Variants in TMEM132B observed in about 807,000 individuals in gnomAD.
TMEM132B encodes the protein transmembrane protein 132B.
TMEM132B carries 18 observed loss-of-function variants against 90.8 expected under a neutral mutation model. The ratio of observed to expected loss-of-function variants is 0.20; its 90% CI spans 0.14 to 0.29. TMEM132B has a LOEUF of 0.29. Ranked by LOEUF, TMEM132B falls within the 10% of genes least tolerant of loss-of-function variation. TMEM132B has a pLI of 1.00. For synonymous variants in TMEM132B, 504 were observed against 523.3 expected (o/e 0.96, Z 0.50); for missense variants, 1,096 against 1,326.8 (o/e 0.83, Z 2.70).
At chr12:125,626,707 G>A (rs923489042) in intron 5 of TMEM132B, among the ~76,000 whole-genome samples, 2 of 151,954 alleles carry the variant, frequency 1.3e-5, no homozygotes, top group South Asian at 4.2e-4. Context: ...TTATTTCTCT[G>A]GCTCCCTACA....
intron 2 of TMEM132B, among the ~76,000 whole-genome samples, chr12:125,380,606 G>C (rs1292948427): frequency 2.0e-5 from 3 of 152,184 alleles, no homozygotes; most frequent in Non-Finnish European, 2.9e-5. Flanking sequence ...GGCATATGTT[G>C]GTGCTCGGTT....
At chr12:125,580,374 G>A (rs1048431395) in intron 4 of TMEM132B, among the ~76,000 whole-genome samples, 2 of 151,838 alleles carry the variant, frequency 1.3e-5, no homozygotes, top group Admixed American at 1.3e-4. Context: ...TTCCATACTG[G>A]GTGAACTGAG....
At chr12:125,606,068 C>T (rs115950870) in intron 5 of TMEM132B, among the ~76,000 whole-genome samples, 254 of 152,044 alleles carry the variant, frequency 1.7e-3, no homozygotes, top group African/African-American at 5.6e-3. Flanking sequence ...TATTGTATGT[C>T]GTATATTTTG....
intron 5 of TMEM132B, among the ~76,000 whole-genome samples, chr12:125,636,829 C>T (rs1271900785): frequency 6.6e-6 from 1 of 152,206 alleles, no homozygotes; most frequent in African/African-American, 2.4e-5. Flanking sequence ...CACATCTTCT[C>T]TCTAAGTGTC....
At chr12:125,478,107 G>C (rs1881935510) in intron 3 of TMEM132B, among the ~76,000 whole-genome samples, 1 of 152,172 alleles carries the variant, frequency 6.6e-6, no homozygotes, top group South Asian at 2.1e-4. Flanking sequence ...AACCCCATCT[G>C]TAGGTCACCA....
At chr12:125,464,394 T>A (rs778026414) in intron 3 of TMEM132B, among the ~76,000 whole-genome samples, 2 of 152,102 alleles carry the variant, frequency 1.3e-5, no homozygotes, top group Admixed American at 6.5e-5. Context: ...TTCCTCTGGG[T>A]GTGCCTATAT....
intron 5 of TMEM132B, among the ~76,000 whole-genome samples, chr12:125,601,387 A>G (rs1359525170): frequency 2.0e-5 from 3 of 152,160 alleles, no homozygotes; most frequent in Non-Finnish European, 4.4e-5. Context: ...TGAAATAAAG[A>G]TAGAAATCAA....
chr12:125,322,919 A>G (rs970807082), intron 1 of TMEM132B, among the ~76,000 whole-genome samples: 2 of 152,102 alleles, frequency 1.3e-5, no homozygotes, highest in African/African-American at 2.4e-5. Flanking sequence ...TTCCCTATGT[A>G]TAGTTTGCTT....
intron 3 of TMEM132B, among the ~76,000 whole-genome samples, chr12:125,426,770 C>T (rs1183888296): frequency 6.6e-6 from 1 of 152,226 alleles, no homozygotes; most frequent in Non-Finnish European, 1.5e-5. Context: ...AAGCAGTTGG[C>T]TGGACTGTTA....
chr12:125,264,397 A>G (rs777865851), intron 1 of TMEM132B, among the ~76,000 whole-genome samples: 6 of 152,218 alleles, frequency 3.9e-5, no homozygotes, highest in Non-Finnish European at 7.3e-5. Flanking sequence ...TTTGGAGGCA[A>G]TCACTCTACT....
intron 5 of TMEM132B, among the ~76,000 whole-genome samples, chr12:125,634,686 C>T (rs1886440519): frequency 6.6e-6 from 1 of 152,160 alleles, no homozygotes; most frequent in Admixed American, 6.5e-5. Flanking sequence ...AGTGTGTTCC[C>T]TTCTGGCCCA....
intron 1 of TMEM132B, among the ~76,000 whole-genome samples, chr12:125,325,818 C>T (rs1244140947): frequency 1.3e-5 from 2 of 152,096 alleles, no homozygotes; most frequent in Non-Finnish European, 2.9e-5. Context: ...GTTCTTCTTT[C>T]TCTGCAGGTC....
At chr12:125,435,280 G>A (rs1287630019) in intron 3 of TMEM132B, among the ~76,000 whole-genome samples, 1 of 152,200 alleles carries the variant, frequency 6.6e-6, no homozygotes, top group East Asian at 1.9e-4. Flanking sequence ...TTGATCCCTT[G>A]ATGTCCAAAG....
At chr12:125,276,631 G>A (rs1170408121) in intron 1 of TMEM132B, among the ~76,000 whole-genome samples, 2 of 152,156 alleles carry the variant, frequency 1.3e-5, no homozygotes, top group Non-Finnish European at 2.9e-5. Flanking sequence ...ATTTGTGTGG[G>A]TGTGAGTCCC....
intron 3 of TMEM132B, among the ~76,000 whole-genome samples, chr12:125,470,279 A>G (rs1380545028): frequency 6.6e-6 from 1 of 152,190 alleles, no homozygotes; most frequent in Admixed American, 6.5e-5. Flanking sequence ...CATCAACTGC[A>G]GACAGTGGGG....
intron 3 of TMEM132B, among the ~76,000 whole-genome samples, chr12:125,444,188 A>C (rs1464159344): frequency 6.6e-6 from 1 of 152,238 alleles, no homozygotes; most frequent in Non-Finnish European, 1.5e-5. Context: ...TATAGTTTGC[A>C]TGGAACATTC....
intron 5 of TMEM132B, among the ~76,000 whole-genome samples, chr12:125,622,060 C>T (rs1007484908): frequency 1.3e-5 from 2 of 152,170 alleles, no homozygotes; most frequent in African/African-American, 2.4e-5. Context: ...CAGCTGAGGT[C>T]CCTTTCAGCA....
At chr12:125,600,797 T>G (rs1046098761) in intron 5 of TMEM132B, among the ~76,000 whole-genome samples, 4 of 151,622 alleles carry the variant, frequency 2.6e-5, no homozygotes, top group South Asian at 4.2e-4. Flanking sequence ...TGGAAAGAAA[T>G]AAAAGCAGGG....
At chr12:125,536,767 G>A (rs149908125) in intron 4 of TMEM132B, among the ~76,000 whole-genome samples, 30 of 152,232 alleles carry the variant, frequency 2.0e-4, no homozygotes, top group Middle Eastern at 6.8e-3. Context: ...ATGCCCACAT[G>A]TGAATTCCTA....
Sources: allele counts gnomAD v4.1 joint callset (sites outside exome capture counted in the v4.1 genomes callset), GRCh38; gene constraint gnomAD v4.1.1; transcripts MANE v1.5; gene names NCBI Gene and HGNC (gene_info 2026-07-23, HGNC 2026-07-21).